The following MDGA2 variants were observed in gnomAD, a reference collection of about 807,000 sequenced individuals.
The protein encoded by MDGA2 is MAM domain containing glycosylphosphatidylinositol anchor 2.
Under a neutral mutation model 117.8 loss-of-function variants are expected in MDGA2, and 40 were observed. The ratio of observed to expected loss-of-function variants is 0.34; its 90% confidence interval spans 0.26 to 0.44. The LOEUF (loss-of-function observed/expected upper bound fraction) is 0.44. Among genes scored for constraint, MDGA2 ranks in the 20% least tolerant of loss-of-function variants. The probability of loss-of-function intolerance (pLI) is 1.00; values close to 1 mark genes in which losing one functional copy is unlikely to be tolerated. For missense variants in MDGA2, 1,123 were observed against 1,250.6 expected (o/e 0.90, Z 1.54); for synonymous variants, 452 against 439.0 (o/e 1.03, Z -0.37).
At chr14:47,175,904 T>A (rs1018493777) in intron 3 of MDGA2, among the ~76,000 whole-genome samples, 1 of 152,042 alleles carries the variant, frequency 6.6e-6, no homozygotes, top group Non-Finnish European at 1.5e-5. Flanking sequence ...GAAAACCCCA[T>A]CGCCTCAGCC....
rs187560855 is a variant in MDGA2, at chr14:47,623,448, A to T, written c.280+51069T>A. Among the ~76,000 whole-genome samples the T allele has an allele frequency of 2.1e-3, 318 of 152,288 alleles. 1 individual carries two copies. Among genetic ancestry groups the T allele is most frequent in the Non-Finnish European group, 3.3e-3 (223 of 68,014 alleles). ...ATGAAACTAATGCATAGATTTTTTT[A>T]AAAAATTAGGTCACATACAATATCT... On this transcript the variant is annotated intron_variant, in intron 1 of 16. Coordinates refer to ENST00000399232, the MANE Select transcript of MDGA2 (RefSeq NM_001113498.3).
At chr14:47,077,856 A>G (rs1890553193) in intron 6 of MDGA2, among the ~76,000 whole-genome samples, 1 of 152,134 alleles carries the variant, frequency 6.6e-6, no homozygotes, top group South Asian at 2.1e-4. Flanking sequence ...GTTGTACAAG[A>G]GAAGTACAAC....
At chr14:47,524,912 T>C (rs1262646270) in intron 1 of MDGA2, among the ~76,000 whole-genome samples, 1 of 152,180 alleles carries the variant, frequency 6.6e-6, no homozygotes, top group Non-Finnish European at 1.5e-5. Context: ...AGAATGCACA[T>C]TACAGAATTA....
rs138012275 is a variant in MDGA2, at chr14:47,197,078, C to G, written c.595+20943G>C. ...TATCCAGTCCACCATTGATGGGTAT[C>G]TAGGTTGATTCCCTGTCTTTGATAT... On this transcript the variant is annotated intron_variant, in intron 3 of 16. Transcript: ENST00000399232. Among the ~76,000 whole-genome samples the G allele has an allele frequency of 1.3e-3, 191 of 152,234 alleles. 1 individual carries two copies. The highest frequency in any genetic ancestry group is 4.3e-3 in the African/African-American group (180 of 41,516).
Position 47,240,884 on chromosome 14 carries a change from A to G in MDGA2, c.421-22689T>C, listed in dbSNP as rs183437696. On this transcript the variant is annotated intron_variant, in intron 2 of 16. Transcript: ENST00000399232. ...ACTTAATTATTCATATTTTATTACC[A>G]ATTACTTTAATCAGATGGTTTCTTC... Among the ~76,000 whole-genome samples, 960 of 151,954 alleles carry G rather than the reference A, an allele frequency of 6.3e-3. 27 individuals are homozygous for G. Among genetic ancestry groups the G allele is most frequent in the Non-Finnish European group, 0.01 (702 of 67,862 alleles).
At chr14:47,285,801 G>A (rs1888651248) in intron 2 of MDGA2, among the ~76,000 whole-genome samples, 1 of 152,018 alleles carries the variant, frequency 6.6e-6, no homozygotes, top group African/African-American at 2.4e-5. Flanking sequence ...ATTCTTAGAG[G>A]TAAATAGCAG....
intron 3 of MDGA2, among the ~76,000 whole-genome samples, chr14:47,163,617 C>T (rs1193087214): frequency 3.3e-5 from 5 of 152,158 alleles, no homozygotes; most frequent in Non-Finnish European, 7.3e-5. Flanking sequence ...GTCCAATAAA[C>T]CTCCGTCTTT....
intron 9 of MDGA2, among the ~76,000 whole-genome samples, chr14:46,937,168 A>C (rs980438278): frequency 1.3e-5 from 2 of 152,122 alleles, no homozygotes; most frequent in African/African-American, 4.8e-5. Flanking sequence ...TGAAAAAGAA[A>C]TAAAGCAAAC....
At chr14:47,034,676 T>A (rs1279145534) in intron 8 of MDGA2, among the ~76,000 whole-genome samples, 9 of 151,966 alleles carry the variant, frequency 5.9e-5, no homozygotes, top group Non-Finnish European at 8.8e-5. Context: ...ACTTTGCTTA[T>A]TGCACATGGA....
At chr14:47,021,203 G>T (rs1364445370) in intron 8 of MDGA2, among the ~76,000 whole-genome samples, 6 of 152,250 alleles carry the variant, frequency 3.9e-5, no homozygotes, top group South Asian at 4.1e-4. Context: ...TAAGTTAGCA[G>T]ATCCACAGTC....
rs1401324982 is a variant in MDGA2, at chr14:47,609,415, A to T, written c.280+65102T>A. On this transcript the variant is annotated intron_variant, in intron 1 of 16. Coordinates refer to ENST00000399232, the MANE Select transcript of MDGA2 (RefSeq NM_001113498.3). Reference sequence around the variant, plus strand: ...TCAATTCATTCCTTTTCTATGGCTGAGTAGTATTCCATCATATATATATAT... The same window carrying T: ...TCAATTCATTCCTTTTCTATGGCTGTGTAGTATTCCATCATATATATATAT... 1.8e-5 allele frequency among the ~76,000 whole-genome samples: 2 copies of T among 112,148 alleles called. 1 individual carries two copies. The highest frequency in any genetic ancestry group is 6.6e-5 in the African/African-American group (2 of 30,362). The allele number at this position is 112,148 out of a possible 152,430, so 73.6% of individuals were successfully genotyped here.
chr14:47,343,705 T>C (rs1477985934), intron 1 of MDGA2, among the ~76,000 whole-genome samples: 1 of 152,202 alleles, frequency 6.6e-6, no homozygotes, highest in East Asian at 1.9e-4. Flanking sequence ...ATTTAGTTAA[T>C]TATAATTTCA....
chr14:47,251,753 C>T (rs1046952800), intron 2 of MDGA2, among the ~76,000 whole-genome samples: 2 of 152,068 alleles, frequency 1.3e-5, no homozygotes, highest in African/African-American at 4.8e-5. Context: ...TCACTCAAGA[C>T]AAAAGAACGT....
At chr14:47,387,436 G>T (rs375177855) in intron 1 of MDGA2, among the ~76,000 whole-genome samples, 1 of 151,914 alleles carries the variant, frequency 6.6e-6, no homozygotes, top group Admixed American at 6.6e-5. Context: ...CACCAAAACA[G>T]CTGGGTGTTT....
At chr14:47,128,801 T>A (rs1030036413) in intron 5 of MDGA2, among the ~76,000 whole-genome samples, 1 of 151,752 alleles carries the variant, frequency 6.6e-6, no homozygotes, top group African/African-American at 2.4e-5. Context: ...TTCACGCCAT[T>A]TTCCTGCCTC....
At chr14:46,868,050 T>C (rs1410431922) in intron 14 of MDGA2, among the ~76,000 whole-genome samples, 1 of 151,988 alleles carries the variant, frequency 6.6e-6, no homozygotes, top group African/African-American at 2.4e-5. Context: ...AGAATCTAGT[T>C]TGGATCATTC....
chr14:47,645,639 T>C (rs1897514991), intron 1 of MDGA2, among the ~76,000 whole-genome samples: 1 of 152,076 alleles, frequency 6.6e-6, no homozygotes, highest in African/African-American at 2.4e-5. Context: ...TTACAGACTG[T>C]TTCATTATTA....
rs145474600 is a variant in MDGA2, at chr14:47,213,650, G to A, written c.595+4371C>T. ...TTTACTGTTTTCCAGCCCTTCTGCT[G>A]ATTTTTATGTTATCACTTTTAATAT... On this transcript the variant is annotated intron_variant, in intron 3 of 16. Coordinates refer to ENST00000399232, the MANE Select transcript of MDGA2 (RefSeq NM_001113498.3). Among the ~76,000 whole-genome samples, 5 of 151,816 alleles carry A rather than the reference G, an allele frequency of 3.3e-5. No individual in the cohort carries two copies. The South Asian group carries it at 1.0e-3, about 32-fold the overall frequency.
intron 1 of MDGA2, among the ~76,000 whole-genome samples, chr14:47,556,150 C>G (rs1175603892): frequency 6.6e-6 from 1 of 152,078 alleles, no homozygotes; most frequent in Non-Finnish European, 1.5e-5. Context: ...AGCATCAGAC[C>G]TTAGGTTGTG....
Sources: allele counts gnomAD v4.1 joint callset (sites outside exome capture counted in the v4.1 genomes callset), GRCh38; gene constraint gnomAD v4.1.1; transcripts MANE v1.5; gene names NCBI Gene and HGNC (gene_info 2026-07-23, HGNC 2026-07-21).